Variants in ASTE1 observed in about 807,000 individuals in gnomAD.
ASTE1 encodes the protein asteroid structure-specific endonuclease 1.
ASTE1 carries 49 observed loss-of-function variants against 45.8 expected under a neutral mutation model. That is an observed-to-expected ratio of 1.07 (90% CI 0.85 to 1.36). The LOEUF (loss-of-function observed/expected upper bound fraction) is 1.36. Among genes scored for constraint, ASTE1 ranks in the 40% most tolerant of loss-of-function variants. The pLI, the probability that ASTE1 is intolerant of heterozygous loss-of-function variation, is 0.00. For missense variants in ASTE1, 709 were observed against 804.0 expected (o/e 0.88, Z 1.43); for synonymous variants, 296 against 303.9 (o/e 0.97, Z 0.27).
chr3:131,014,328 A>G lies in ASTE1; in HGVS notation c.1769T>C (p.Val590Ala). 1.2e-6 allele frequency: 2 copies of G among 1,613,418 alleles called. No homozygotes were observed. The highest frequency in any genetic ancestry group is 8.5e-7 in the Non-Finnish European group (1 of 1,179,816). ...LCQQLLASTS[V>A]ESLLSICPEA... ...AGGACATATGCTCAGGAGACTTTCTACAGAGGTCGATGCTAGCAGTTGCTG... is the reference window on the plus strand; with the variant it reads ...AGGACATATGCTCAGGAGACTTTCTGCAGAGGTCGATGCTAGCAGTTGCTG... The change falls in exon 6 of 6, where the codon GTA (valine) becomes GCA (alanine). Residue 590 changes from valine to alanine, a missense_variant. Val to Ala is a moderately conservative substitution (Grantham distance 64). Transcript: ENST00000264992.
rs749252404 is a variant in ASTE1 at position 131,014,168 on chromosome 3, G to A, written c.1929C>T (p.Asn643=). 56 of 1,612,222 alleles carry A rather than the reference G, an allele frequency of 3.5e-5. No homozygotes were observed. Among genetic ancestry groups the A allele is most frequent in the Middle Eastern group, 3.3e-4 (2 of 6,080 alleles). The change falls in exon 6 of 6, where the codon AAC becomes AAT. Residue 643 remains asparagine, a synonymous_variant. Transcript: ENST00000264992. ...TGGTGTGTGCAGTGGTTCTCCCTCT[G>A]TTCTTAGAACAGCTGGTATTCTGTT... The part of the protein sequence containing the change: ...QKKQNTSCSK[N]RGRTTAHTKC...
At chr3:131,017,862 C>G (rs184839581) in intron 4 of ASTE1, among the ~76,000 whole-genome samples, 1 of 148,318 alleles carries the variant, frequency 6.7e-6, no homozygotes, top group Non-Finnish European at 1.5e-5. Flanking sequence ...CCCAGCTACT[C>G]GGAAGGCTGA....
rs919407963 is a variant in ASTE1, at chr3:131,013,949, C to T, written c.*108G>A. 1 of 686,964 alleles carries T rather than the reference C, an allele frequency of 1.5e-6. No individual in the cohort carries two copies. The highest frequency in any genetic ancestry group is 2.3e-6 in the Non-Finnish European group (1 of 428,726). The allele number at this position is 686,964 out of a possible 1,614,324, so 42.6% of individuals were successfully genotyped here. ...AATTCAGATTATTGTGATGTTTATCCCCTAACAGGTCAGTCCTAAAGAAAA... is the reference window on the plus strand; with the variant it reads ...AATTCAGATTATTGTGATGTTTATCTCCTAACAGGTCAGTCCTAAAGAAAA... On this transcript the variant is annotated 3_prime_UTR_variant, in exon 6 of 6. Transcript: ENST00000264992.
At chr3:131,014,664 T>C (rs2063507342) in intron 5 of ASTE1, among the ~76,000 whole-genome samples, 1 of 152,244 alleles carries the variant, frequency 6.6e-6, no homozygotes, top group African/African-American at 2.4e-5. Flanking sequence ...TGAGCAGGTG[T>C]CTTTAACAAA....
rs780154070 is a variant in ASTE1 at position 131,024,815 on chromosome 3, G to T, written c.492C>A (p.Cys164Ter). 1 of 1,614,154 alleles carries T rather than the reference G, an allele frequency of 6.2e-7. No homozygotes were observed. The highest frequency in any genetic ancestry group is 8.5e-7 in the Non-Finnish European group (1 of 1,180,034). ...CPVLSSDSDF[C>*]IFDLKTGFCP... ...AAAACCCAGTTTTCAGGTCAAAAAT[G>T]CAAAAGTCACTATCTGATGATAACA... Residue 164 changes from cysteine to a stop codon, truncating the protein, a stop_gained, in exon 3 of 6, where the codon TGC (cysteine) becomes TGA (stop). Coordinates refer to ENST00000264992, the MANE Select transcript of ASTE1 (RefSeq NM_014065.4). LOFTEE classifies it high-confidence loss of function.
Position 131,024,882 on chromosome 3 carries a change from T to A in ASTE1, c.425A>T (p.Asp142Val). 1 of 1,614,196 alleles carries A rather than the reference T, an allele frequency of 6.2e-7. No individual in the cohort carries two copies. Among genetic ancestry groups the A allele is most frequent in the Non-Finnish European group, 8.5e-7 (1 of 1,180,028 alleles). Residue 142 changes from aspartate (D) to valine (V), a missense_variant, in exon 3 of 6, where the codon GAT becomes GTT. Physicochemically the swap from Asp to Val is radical, Grantham distance 152 (BLOSUM62 -3). Transcript: ENST00000264992. The stretch of plus-strand genomic sequence containing the variant: ...GTTAGCAAGTGTCATAATGTCCCGA[T>A]CTGCTTCTGAAAAGCACTGGACAAA... ...VCFVQCFSEA[D>V]RDIMTLANHW...
Position 131,018,571 on chromosome 3 carries a change from T to G in ASTE1, c.1448A>C (p.His483Pro). The G allele has an allele frequency of 6.2e-7, 1 of 1,614,142 alleles. No individual in the cohort carries two copies. The highest frequency in any genetic ancestry group is 8.5e-7 in the Non-Finnish European group (1 of 1,180,028). Reference protein sequence around the residue: ...LQHTETKAKLHHLQSLLLTML... With the variant: ...LQHTETKAKLPHLQSLLLTML... ...TGTGAGCAGTAAGGATTGTAGATGA[T>G]GTAGCTTTGCTTTGGTCTCGGTGTG... Residue 483 changes from histidine (H) to proline (P), a missense_variant, in exon 4 of 6, where the codon CAT becomes CCT. Transcript: ENST00000264992.
intron 5 of ASTE1, among the ~76,000 whole-genome samples, chr3:131,014,765 T>C (rs571066898): frequency 6.6e-6 from 1 of 152,310 alleles, no homozygotes; most frequent in East Asian, 1.9e-4. Flanking sequence ...TTGGCATCAT[T>C]TGCAAGGTCA....
Position 131,024,007 on chromosome 3 carries a change from C to G in ASTE1, c.1300G>C (p.Glu434Gln). The G allele has an allele frequency of 6.3e-7, 1 of 1,584,328 alleles. No individual in the cohort carries two copies. Residue 434 changes from glutamate to glutamine, a missense_variant and splice_region_variant, in exon 3 of 6, where the codon GAG becomes CAG. Physicochemically the swap from Glu to Gln is conservative, Grantham distance 29 (BLOSUM62 2). Transcript: ENST00000264992. ...KDHSDLSRLT[E>Q]LSLRRRQMLL... Reference sequence around the variant, plus strand: ...TCATTAGTATTACAAATACTTACCTCAGTCAATCTGCTTAAGTCAGAATGA... The same window carrying G: ...TCATTAGTATTACAAATACTTACCTGAGTCAATCTGCTTAAGTCAGAATGA...
chr3:131,024,151 G>A lies in ASTE1; in HGVS notation c.1156C>T (p.His386Tyr), dbSNP rs1051819240. 1.2e-6 allele frequency: 2 copies of A among 1,614,092 alleles called. No homozygotes were observed. Among genetic ancestry groups the A allele is most frequent in the African/African-American group, 1.3e-5 (1 of 74,930 alleles). Reference sequence around the variant, plus strand: ...GCATTCCAGGATGTCTTGTCCAGATGTGGTGAGGCATTTAAAAGAAGCCCA... The same window carrying A: ...GCATTCCAGGATGTCTTGTCCAGATATGGTGAGGCATTTAAAAGAAGCCCA... ...IYGLLLNASP[H>Y]LDKTSWNALP... Residue 386 changes from histidine (H) to tyrosine (Y), a missense_variant, in exon 3 of 6, where the codon CAT (histidine) becomes TAT (tyrosine). Physicochemically the swap from His to Tyr is moderately conservative, Grantham distance 83. Transcript: ENST00000264992.
chr3:131,019,069 A>C (rs1286527983), intron 3 of ASTE1, among the ~76,000 whole-genome samples: 1 of 152,230 alleles, frequency 6.6e-6, no homozygotes, highest in Non-Finnish European at 1.5e-5. Context: ...AATCTGAGAG[A>C]GAGCCCAGGA....
intron 3 of ASTE1, among the ~76,000 whole-genome samples, chr3:131,019,776 T>G (rs1404483938): frequency 6.6e-6 from 1 of 152,168 alleles, no homozygotes; most frequent in Admixed American, 6.5e-5. Flanking sequence ...GATATTAACC[T>G]GAAACAAAAC....
intron 3 of ASTE1, among the ~76,000 whole-genome samples, chr3:131,021,329 G>GA (rs1232322135): frequency 6.6e-6 from 1 of 151,638 alleles, no homozygotes; most frequent in Admixed American, 6.6e-5. Flanking sequence ...GCTGTGTAAT[G>GA]AAAAAAAATG....
intron 3 of ASTE1, among the ~76,000 whole-genome samples, chr3:131,020,574 T>A (rs1050933922): frequency 9.9e-6 from 1 of 100,944 alleles, no homozygotes; most frequent in African/African-American, 3.4e-5. Flanking sequence ...AATGAGAGAC[T>A]ATAAAGTTTT....
Position 131,018,661 on chromosome 3 carries a change from GTC to G in ASTE1, c.1356_1357del (p.Gln452HisfsTer54). On this transcript the variant is annotated frameshift_variant, in exon 4 of 6. Coordinates refer to ENST00000264992, the MANE Select transcript of ASTE1 (RefSeq NM_014065.4). LOFTEE classifies it high-confidence loss of function. Reference sequence around the variant, plus strand: ...TGAAGTAGGGATTGGCTCCAGAATGGTCTGTTTCACCTTCAGGGTTTCTAACA... The same window carrying G: ...TGAAGTAGGGATTGGCTCCAGAATGGTGTTTCACCTTCAGGGTTTCTAACA... 8 of 1,614,022 alleles carry G rather than the reference GTC, an allele frequency of 5.0e-6. No individual in the cohort carries two copies. The highest frequency in any genetic ancestry group is 6.8e-6 in the Non-Finnish European group (8 of 1,180,002).
At chr3:131,014,487 G>A in intron 5 of ASTE1, 100 bp from the exon 6 acceptor site, 1 of 1,134,186 alleles carries the variant, frequency 8.8e-7, no homozygotes, top group Non-Finnish European at 1.2e-6. Context: ...TAAACAATGA[G>A]AGCTCTTATT....
intron 5 of ASTE1, 173 bp downstream of exon 5, chr3:131,015,970 TC>T: frequency 1.3e-6 from 1 of 799,234 alleles, no homozygotes; most frequent in Non-Finnish European, 2.1e-6. Context: ...TTAATATTTT[TC>T]CCGTTTCCAG....
Position 131,025,174 on chromosome 3 carries a change from A to G in ASTE1, c.133T>C (p.Leu45=). 6.2e-7 allele frequency: 1 copy of G among 1,614,246 alleles called. No individual in the cohort carries two copies. Among genetic ancestry groups the G allele is most frequent in the Non-Finnish European group, 8.5e-7 (1 of 1,180,036 alleles). ...LFHRLCFSSN[L]DLRYGGDYDS... is the part of the protein sequence containing the mutation. ...TAGTCCCCTCCATACCGGAGATCCA[A>G]GTTTGAACTGAAGCAAAGACGGTGG... The change falls in exon 3 of 6, where the codon TTG becomes CTG. Residue 45 remains leucine, a synonymous_variant. Coordinates refer to ENST00000264992, the MANE Select transcript of ASTE1 (RefSeq NM_014065.4).
chr3:131,022,758 G>A (rs1237150736), intron 3 of ASTE1, among the ~76,000 whole-genome samples: 1 of 152,112 alleles, frequency 6.6e-6, no homozygotes, highest in African/African-American at 2.4e-5. Context: ...CCAATGCCAA[G>A]AAGGCTCTTG....
Sources: gnomAD v4.1 joint callset for allele counts (sites outside exome capture counted in the v4.1 genomes callset) on GRCh38, gnomAD v4.1.1 for gene constraint, MANE v1.5 for transcripts, NCBI Gene and HGNC (gene_info 2026-07-23, HGNC 2026-07-21) for gene names.